Variants in SAMD4B observed in about 807,000 individuals in gnomAD.
SAMD4B encodes protein Smaug homolog 2.
Under a neutral mutation model 74.5 loss-of-function variants are expected in SAMD4B, and 5 were observed. That is an observed-to-expected ratio of 0.07 (90% CI 0.04 to 0.14). The LOEUF is 0.14. Among genes scored for constraint, SAMD4B ranks in the 10% least tolerant of loss-of-function variants. The pLI is 1.00. For missense variants in SAMD4B, 608 were observed against 921.8 expected (o/e 0.66, Z 4.41); for synonymous variants, 373 against 374.9 (o/e 1.00, Z 0.06).
intron 3 of SAMD4B, among the ~76,000 whole-genome samples, chr19:39,367,507 C>CTTTTT (rs572713498): frequency 1.2e-3 from 133 of 110,728 alleles, no homozygotes; most frequent in African/African-American, 2.0e-3. Context: ...TTTTCTTTTT[C>CTTTTT]TTTTTTTTTT....
chr19:39,382,065 C>T (rs774709643), intron 12 of SAMD4B, among the ~76,000 whole-genome samples: 9 of 151,908 alleles, frequency 5.9e-5, no homozygotes, highest in Non-Finnish European at 1.3e-4. Context: ...AGATAAGGCT[C>T]GTCTGGAATG....
chr19:39,386,660 GC>G (rs1280406638), downstream of SAMD4B: 13 of 1,592,446 alleles, frequency 8.2e-6, no homozygotes, highest in Non-Finnish European at 1.1e-5. The surrounding 1 kb of genome is among the most constrained non-coding windows in gnomAD (Gnocchi z 6.1). Context: ...CACCCTCCCT[GC>G]CATGGGTGCC....
At chr19:39,381,393 G>A in intron 12 of SAMD4B, 1 of 340,612 alleles carries the variant, frequency 2.9e-6, no homozygotes, top group Non-Finnish European at 5.4e-6. Flanking sequence ...TAATCTTAGT[G>A]TCTGTGTTGC....
chr19:39,354,403 CA>C (rs2076225191), intron 2 of SAMD4B, among the ~76,000 whole-genome samples: 1 of 152,158 alleles, frequency 6.6e-6, no homozygotes, highest in Admixed American at 6.5e-5. Context: ...ACAAGGTTTT[CA>C]AATCCCTTTA....
intron 3 of SAMD4B, 94 bp downstream of exon 3, chr19:39,357,183 A>T: frequency 8.6e-7 from 1 of 1,159,910 alleles, no homozygotes; most frequent in South Asian, 1.7e-5. Context: ...AATGGGACTA[A>T]AAAACGTGGG....
intron 1 of SAMD4B, among the ~76,000 whole-genome samples, chr19:39,344,304 C>T (rs907071955): frequency 3.3e-5 from 5 of 152,114 alleles, no homozygotes; most frequent in African/African-American, 1.2e-4. Context: ...TCTCAGAAGA[C>T]CCCGCCTTCC....
intron 2 of SAMD4B, among the ~76,000 whole-genome samples, chr19:39,355,580 T>C (rs1409381290): frequency 1.3e-5 from 2 of 152,172 alleles, no homozygotes; most frequent in African/African-American, 4.8e-5. Context: ...GGTTTGAGGA[T>C]AGAGCCAAGG....
At chr19:39,388,800 A>G (rs568572980), downstream of SAMD4B, 4 of 1,614,192 alleles carry the variant, frequency 2.5e-6, no homozygotes, top group East Asian at 6.7e-5. Flanking sequence ...ACGCAGCTGC[A>G]CCACTCGTGT....
intron 5 of SAMD4B, 108 bp from the exon 6 acceptor site, chr19:39,376,328 AT>A: frequency 1.2e-6 from 1 of 856,872 alleles, no homozygotes; most frequent in South Asian, 1.6e-5. Flanking sequence ...CCCCCTCCCA[AT>A]TTTTTGCATC....
downstream of SAMD4B, chr19:39,387,108 A>G (rs529637226): frequency 1.3e-4 from 64 of 482,064 alleles, 1 homozygote; most frequent in Non-Finnish European, 2.1e-4. Flanking sequence ...CATCATGTGA[A>G]CATCATACAG....
intron 12 of SAMD4B, chr19:39,381,347 A>C: frequency 1.1e-5 from 5 of 452,954 alleles, no homozygotes; most frequent in African/African-American, 2.0e-5. Context: ...CTCACCCCTT[A>C]CTCCTACCCC....
chr19:39,380,983 T>C lies in SAMD4B; in HGVS notation c.1849-7T>C. 6.2e-7 allele frequency: 1 copy of C among 1,600,898 alleles called. No homozygotes were observed. The highest frequency in any genetic ancestry group is 8.5e-7 in the Non-Finnish European group (1 of 1,173,536). On this transcript the variant is annotated splice_polypyrimidine_tract_variant and splice_region_variant and intron_variant, in intron 11 of 13. Transcript: ENST00000610417. ...CACTACTTTCTCTCTTCCTGGGACC[T>C]GTGTAGAACCTGTGGTTTGCCAACC...
chr19:39,358,164 G>A (rs979366775), intron 3 of SAMD4B, among the ~76,000 whole-genome samples: 65 of 152,058 alleles, frequency 4.3e-4, no homozygotes, highest in Non-Finnish European at 7.9e-4. Flanking sequence ...CCAGCTACTC[G>A]GGAGGCTGAG....
At chr19:39,360,669 T>A (rs900669505) in intron 3 of SAMD4B, among the ~76,000 whole-genome samples, 3 of 152,194 alleles carry the variant, frequency 2.0e-5, no homozygotes, top group African/African-American at 7.2e-5. Flanking sequence ...CCTGCCTTAT[T>A]TGTAAAGGAA....
At chr19:39,367,507 C>CTTTT (rs572713498) in intron 3 of SAMD4B, among the ~76,000 whole-genome samples, 21 of 110,798 alleles carry the variant, frequency 1.9e-4, no homozygotes, top group Middle Eastern at 4.8e-3. Context: ...TTTTCTTTTT[C>CTTTT]TTTTTTTTTT....
chr19:39,385,875 C>A, downstream of SAMD4B: 1 of 1,457,750 alleles, frequency 6.9e-7, no homozygotes. Context: ...ACTTTATTAA[C>A]AGCAAAGGTT....
At chr19:39,387,123 C>G, downstream of SAMD4B, 1 of 455,880 alleles carries the variant, frequency 2.2e-6, no homozygotes, top group Non-Finnish European at 4.1e-6. Context: ...ATACAGTACT[C>G]TTACACAAAC....
chr19:39,358,400 C>T (rs62119690), intron 3 of SAMD4B, among the ~76,000 whole-genome samples: 1,802 of 152,228 alleles, frequency 0.012, 11 homozygotes, highest in Non-Finnish European at 0.019. Context: ...CTTTCCTGCG[C>T]GCCACCACGC....
At chr19:39,374,339 A>T (rs1278559082) in intron 4 of SAMD4B, among the ~76,000 whole-genome samples, 3 of 152,172 alleles carry the variant, frequency 2.0e-5, no homozygotes, top group African/African-American at 7.2e-5. Context: ...CATCCTTCAG[A>T]AGAGGACCTG....
Sources: allele counts gnomAD v4.1 joint callset (sites outside exome capture counted in the v4.1 genomes callset), GRCh38; gene constraint gnomAD v4.1.1; non-coding constraint Gnocchi (gnomAD v3.1); transcripts MANE v1.5; gene names NCBI Gene and HGNC (gene_info 2026-07-23, HGNC 2026-07-21).